Variants in SMYD3 observed in about 807,000 individuals in gnomAD.
SMYD3 encodes SET and MYND domain containing 3.
A neutral mutation model predicts 57.7 loss-of-function variants in SMYD3; 36 were observed. The ratio of observed to expected loss-of-function variants is 0.62; its 90% CI spans 0.48 to 0.82. The LOEUF (loss-of-function observed/expected upper bound fraction) is 0.82, where lower values mean the gene tolerates loss of function less well. SMYD3 is among the 40% of genes least tolerant of loss of function. The pLI is 0.00. For synonymous variants in SMYD3, 211 were observed against 195.0 expected (o/e 1.08, Z -0.68); for missense variants, 515 against 538.8 (o/e 0.96, Z 0.44).
At chr1:246,353,637 T>G (rs968999242) in intron 2 of SMYD3, among the ~76,000 whole-genome samples, 2 of 152,218 alleles carry the variant, frequency 1.3e-5, no homozygotes, top group African/African-American at 2.4e-5. Flanking sequence ...AAAAGAGCAG[T>G]TAAAAGTCTG....
At chr1:245,814,165 C>T (rs10802268) in intron 10 of SMYD3, among the ~76,000 whole-genome samples, 99,702 of 151,838 alleles carry the variant, frequency 0.66, 35,998 homozygotes, top group Non-Finnish European at 0.83. Context: ...GGGAGGAAAA[C>T]GTGACTATTA....
At chr1:246,312,015 A>T (rs1037405309) in intron 5 of SMYD3, among the ~76,000 whole-genome samples, 2 of 152,192 alleles carry the variant, frequency 1.3e-5, no homozygotes, top group African/African-American at 4.8e-5. Context: ...AACAATGGGA[A>T]GGACTGAAAG....
intron 10 of SMYD3, among the ~76,000 whole-genome samples, chr1:245,843,587 T>C (rs990424189): frequency 6.6e-6 from 1 of 151,388 alleles, no homozygotes; most frequent in African/African-American, 2.4e-5. Context: ...TGTATGTGCA[T>C]ATACATATAT....
chr1:245,875,504 G>C (rs1400502695), intron 8 of SMYD3, among the ~76,000 whole-genome samples: 1 of 152,126 alleles, frequency 6.6e-6, no homozygotes, highest in African/African-American at 2.4e-5. Context: ...CCTGGCATGT[G>C]GGCAACATCA....
At chr1:245,865,325 A>G (rs932058540) in intron 8 of SMYD3, among the ~76,000 whole-genome samples, 3 of 152,160 alleles carry the variant, frequency 2.0e-5, no homozygotes, top group Non-Finnish European at 2.9e-5. Context: ...TCTATAGAAT[A>G]CTAAAAAATA....
At chr1:246,308,665 A>G (rs1305217779) in intron 5 of SMYD3, among the ~76,000 whole-genome samples, 1 of 152,174 alleles carries the variant, frequency 6.6e-6, no homozygotes, top group African/African-American at 2.4e-5. Flanking sequence ...TGATAGCACA[A>G]AGGCACTCCA....
chr1:246,122,758 C>T (rs2061443144), intron 5 of SMYD3, among the ~76,000 whole-genome samples: 1 of 152,172 alleles, frequency 6.6e-6, no homozygotes. Flanking sequence ...CCAGGCCGAA[C>T]TCAGCTGATG....
intron 5 of SMYD3, chr1:246,108,855 C>T (rs1393637732): frequency 2.0e-5 from 3 of 152,314 alleles, no homozygotes; most frequent in African/African-American, 4.8e-5. Flanking sequence ...GAGGCCTCCA[C>T]TGCTTTGCAC....
intron 5 of SMYD3, among the ~76,000 whole-genome samples, chr1:246,137,047 A>T (rs1181151837): frequency 6.6e-6 from 1 of 152,188 alleles, no homozygotes; most frequent in African/African-American, 2.4e-5. Context: ...GAGCTAAGCA[A>T]TTGGGTTGTT....
At position 246,316,519 on chromosome 1, in the gene SMYD3, C is replaced by A. The variant is rs554363662; in HGVS notation, c.531+10682G>T. 4.0e-5 allele frequency among the ~76,000 whole-genome samples: 6 copies of A among 149,806 alleles called. 1 individual carries two copies. Among genetic ancestry groups the A allele is most frequent in the African/African-American group, 1.5e-4 (6 of 41,062 alleles). ...GGATTACAGGCATGAGCCACCACGC[C>A]CAGCTAATTTTTGTTGTTTTGGTTT... On this transcript the variant is annotated intron_variant, in intron 5 of 11. Coordinates refer to ENST00000490107, the MANE Select transcript of SMYD3 (RefSeq NM_001167740.2).
At chr1:246,279,803 T>C (rs1028157604) in intron 5 of SMYD3, among the ~76,000 whole-genome samples, 2 of 152,190 alleles carry the variant, frequency 1.3e-5, no homozygotes, top group Admixed American at 6.5e-5. Context: ...AACTTCTCTA[T>C]AAAACAAGGC....
chr1:246,156,752 G>A (rs900002722), intron 5 of SMYD3, among the ~76,000 whole-genome samples: 2 of 152,212 alleles, frequency 1.3e-5, no homozygotes, highest in Non-Finnish European at 2.9e-5. Context: ...ATCAGACTAC[G>A]AAAGGGAGAG....
At position 246,123,571 on chromosome 1, in the gene SMYD3, AACACACACACACACACACACACAC is replaced by A. The variant is rs557543331; in HGVS notation, c.532-193658_532-193635del. Among the ~76,000 whole-genome samples, 6 of 129,576 alleles carry A rather than the reference AACACACACACACACACACACACAC, an allele frequency of 4.6e-5. No individual in the cohort carries two copies. In the East Asian group the frequency reaches 7.1e-4, roughly 15 times the overall value. 85.0% of individuals were successfully genotyped at this position (129,576 alleles called of 152,430 possible). On this transcript the variant is annotated intron_variant, in intron 5 of 11. Coordinates refer to ENST00000490107, the MANE Select transcript of SMYD3 (RefSeq NM_001167740.2). The stretch of plus-strand genomic sequence containing the variant: ...GAGACAGAGTGAGACTCCATCTCAA[AACACACACACACACACACACACAC>A]ACACACACACACACACACACACACA...
intron 5 of SMYD3, among the ~76,000 whole-genome samples, chr1:246,163,228 G>A (rs773701539): frequency 2.6e-5 from 4 of 152,110 alleles, no homozygotes; most frequent in East Asian, 3.8e-4. Flanking sequence ...TATACTTGTA[G>A]GCTGTTTGAC....
At chr1:246,007,963 G>A (rs2059205871) in intron 5 of SMYD3, among the ~76,000 whole-genome samples, 1 of 152,204 alleles carries the variant, frequency 6.6e-6, no homozygotes, top group Non-Finnish European at 1.5e-5. Flanking sequence ...CATTCCCCAT[G>A]GATAAGAAGG....
chr1:246,358,816 G>A (rs2065946098), intron 1 of SMYD3, among the ~76,000 whole-genome samples: 1 of 152,164 alleles, frequency 6.6e-6, no homozygotes, highest in African/African-American at 2.4e-5. Flanking sequence ...AGCAAAAGCG[G>A]TGCTAAGCAG....
intron 1 of SMYD3, among the ~76,000 whole-genome samples, chr1:246,356,577 T>A (rs2065912835): frequency 1.3e-5 from 2 of 152,116 alleles, no homozygotes; most frequent in Non-Finnish European, 2.9e-5. Flanking sequence ...AATTCTTCAG[T>A]GAAATAGCAT....
chr1:245,881,140 T>C (rs1372947499), intron 8 of SMYD3, among the ~76,000 whole-genome samples: 1 of 152,172 alleles, frequency 6.6e-6, no homozygotes, highest in Non-Finnish European at 1.5e-5. Flanking sequence ...TTTGACCAGA[T>C]TAGAAAACTC....
intron 5 of SMYD3, among the ~76,000 whole-genome samples, chr1:246,074,096 C>G (rs2060503811): frequency 6.6e-6 from 1 of 152,130 alleles, no homozygotes; most frequent in Non-Finnish European, 1.5e-5. Flanking sequence ...AGCTATCATT[C>G]ATGTTAGTGT....
Sources: allele counts gnomAD v4.1 joint callset (sites outside exome capture counted in the v4.1 genomes callset), GRCh38; gene constraint gnomAD v4.1.1; transcripts MANE v1.5; gene names NCBI Gene and HGNC (gene_info 2026-07-23, HGNC 2026-07-21).